ELMO1: variants seen among roughly 807,000 people sequenced by gnomAD.
ELMO1 encodes the protein engulfment and cell motility protein 1.
ELMO1 carries 26 observed loss-of-function variants against 98.9 expected under a neutral mutation model. The observed-to-expected ratio is 0.26, with a 90% CI of 0.19 to 0.36. The LOEUF is 0.36. ELMO1 is among the 10% of genes least tolerant of loss of function. The probability of loss-of-function intolerance (pLI) is 1.00; values close to 1 mark genes in which losing one functional copy is unlikely to be tolerated. For missense variants in ELMO1, 627 were observed against 935.2 expected (o/e 0.67, Z 4.30); for synonymous variants, 346 against 346.0 (o/e 1.00, Z 0.00).
chr7:37,240,453 T>C (rs1011250636), intron 7 of ELMO1, among the ~76,000 whole-genome samples: 1 of 152,230 alleles, frequency 6.6e-6, no homozygotes, highest in African/African-American at 2.4e-5. Flanking sequence ...AATAAATATT[T>C]GGCTTTAATT....
chr7:37,113,228 C>A (rs1042481816), intron 14 of ELMO1, among the ~76,000 whole-genome samples: 1 of 152,232 alleles, frequency 6.6e-6, no homozygotes, highest in African/African-American at 2.4e-5. Context: ...CAGAGTCCTG[C>A]CACTCACTCA....
intron 5 of ELMO1, among the ~76,000 whole-genome samples, chr7:37,264,280 C>T (rs1366377466): frequency 1.3e-5 from 2 of 150,016 alleles, no homozygotes; most frequent in African/African-American, 4.9e-5. Flanking sequence ...AATGAATACA[C>T]ATATATATAT....
chr7:37,200,778 C>A (rs1315071514), intron 13 of ELMO1, among the ~76,000 whole-genome samples: 1 of 151,918 alleles, frequency 6.6e-6, no homozygotes, highest in Non-Finnish European at 1.5e-5. Flanking sequence ...CCAGCCTGGG[C>A]AACATGGTGA....
At chr7:37,211,207 A>G in intron 13 of ELMO1, 179 bp downstream of exon 13, 1 of 808,670 alleles carries the variant, frequency 1.2e-6, no homozygotes, top group East Asian at 2.8e-5. Context: ...ATTCCATTTC[A>G]CTGAAGCCAG....
At chr7:37,076,782 C>T (rs1797604365) in intron 15 of ELMO1, among the ~76,000 whole-genome samples, 2 of 152,186 alleles carry the variant, frequency 1.3e-5, no homozygotes, top group African/African-American at 4.8e-5. Context: ...CCTGAGGGTG[C>T]ACAACGCTCC....
chr7:36,961,398 C>G (rs1788936811), intron 16 of ELMO1, among the ~76,000 whole-genome samples: 1 of 152,128 alleles, frequency 6.6e-6, no homozygotes, highest in South Asian at 2.1e-4. Context: ...GTTTTAAAAG[C>G]TAATCTCTCT....
chr7:37,388,757 T>A (rs967384436), intron 1 of ELMO1, among the ~76,000 whole-genome samples: 1 of 152,124 alleles, frequency 6.6e-6, no homozygotes, highest in African/African-American at 2.4e-5. Flanking sequence ...GAACTATGAT[T>A]GTGCCATTTC....
intron 14 of ELMO1, among the ~76,000 whole-genome samples, chr7:37,115,516 T>A (rs1216021813): frequency 6.6e-6 from 1 of 152,016 alleles, no homozygotes; most frequent in East Asian, 1.9e-4. Context: ...TATCAATAGA[T>A]ACAGAAAAGC....
intron 10 of ELMO1, among the ~76,000 whole-genome samples, chr7:37,221,157 G>C (rs931833379): frequency 1.3e-5 from 2 of 152,110 alleles, no homozygotes; most frequent in East Asian, 3.9e-4. Flanking sequence ...ACCTCCACCT[G>C]GCTCCAGCGA....
intron 5 of ELMO1, among the ~76,000 whole-genome samples, chr7:37,266,933 A>C (rs1476397668): frequency 6.6e-6 from 1 of 151,850 alleles, no homozygotes; most frequent in Non-Finnish European, 1.5e-5. Flanking sequence ...GAATCACTTG[A>C]ACCCAGGAGG....
chr7:37,242,754 T>C (rs1306978732), intron 7 of ELMO1, among the ~76,000 whole-genome samples: 1 of 152,236 alleles, frequency 6.6e-6, no homozygotes, highest in South Asian at 2.1e-4. Context: ...TGGAGTCTCC[T>C]ACTCTCTGAG....
intron 4 of ELMO1, among the ~76,000 whole-genome samples, chr7:37,292,516 C>T (rs1305923635): frequency 9.0e-5 from 7 of 78,168 alleles, no homozygotes; most frequent in South Asian, 4.7e-4. Flanking sequence ...CGCCTCTTCC[C>T]GGCCGCCATC....
chr7:36,997,286 T>C (rs1792292500), intron 16 of ELMO1, among the ~76,000 whole-genome samples: 1 of 152,192 alleles, frequency 6.6e-6, no homozygotes, highest in African/African-American at 2.4e-5. Context: ...AATGATTTTG[T>C]TTTTTTCTGT....
chr7:36,918,276 G>T (rs753327594), intron 16 of ELMO1, among the ~76,000 whole-genome samples: 1 of 152,160 alleles, frequency 6.6e-6, no homozygotes, highest in East Asian at 1.9e-4. Context: ...GATTAAACCA[G>T]ATCTATAAGT....
At chr7:36,861,822 CATAG>C (rs1002699027) in intron 20 of ELMO1, 86 bp from the exon 21 acceptor site, 7 of 1,309,048 alleles carry the variant, frequency 5.3e-6, no homozygotes, top group Non-Finnish European at 7.7e-6. Context: ...TTGACCATGG[CATAG>C]GGCCAGCTTG....
intron 15 of ELMO1, among the ~76,000 whole-genome samples, chr7:37,091,749 A>G (rs1432759693): frequency 6.6e-6 from 1 of 152,236 alleles, no homozygotes; most frequent in East Asian, 1.9e-4. Context: ...TAATGGACTC[A>G]CAGCACCACG....
chr7:37,198,470 G>A (rs754604471), intron 13 of ELMO1, among the ~76,000 whole-genome samples: 9 of 152,212 alleles, frequency 5.9e-5, no homozygotes, highest in African/African-American at 1.2e-4. Flanking sequence ...TAACAAGCCT[G>A]GGTGGGAGAT....
intron 2 of ELMO1, among the ~76,000 whole-genome samples, chr7:37,322,611 A>C (rs1799577143): frequency 6.7e-6 from 1 of 149,230 alleles, no homozygotes; most frequent in South Asian, 2.1e-4. Context: ...ACAACAGTAA[A>C]ACTCTCTCTC....
intron 1 of ELMO1, among the ~76,000 whole-genome samples, chr7:37,425,508 G>A (rs1304935102): frequency 1.3e-5 from 2 of 152,188 alleles, no homozygotes; most frequent in Non-Finnish European, 2.9e-5. Flanking sequence ...CTTGTCCACT[G>A]GTTCAATGCT....
Sources: gnomAD v4.1 joint callset for allele counts (sites outside exome capture counted in the v4.1 genomes callset) on GRCh38, gnomAD v4.1.1 for gene constraint, MANE v1.5 for transcripts, NCBI Gene and HGNC (gene_info 2026-07-23, HGNC 2026-07-21) for gene names.